The following HECW1 variants were observed in gnomAD, a reference collection of about 807,000 sequenced individuals.
The protein encoded by HECW1 is E3 ubiquitin-protein ligase HECW1.
Under a neutral mutation model 182.3 loss-of-function variants are expected in HECW1, and 61 were observed. The observed-to-expected ratio is 0.33, with a 90% CI of 0.27 to 0.41. The LOEUF (loss-of-function observed/expected upper bound fraction) is 0.41. Ranked by LOEUF, HECW1 falls within the 10% of genes least tolerant of loss-of-function variation. The pLI, the probability that HECW1 is intolerant of heterozygous loss-of-function variation, is 1.00. For synonymous variants in HECW1, 859 were observed against 832.6 expected, an observed-to-expected ratio of 1.03 and a Z score of -0.55; for missense variants, 1,739 against 2,108.9, an observed-to-expected ratio of 0.82 and a Z score of 3.44.
At chr7:43,201,748 T>C (rs902692213) in intron 2 of HECW1, among the ~76,000 whole-genome samples, 2 of 152,242 alleles carry the variant, frequency 1.3e-5, no homozygotes, top group African/African-American at 2.4e-5. Context: ...GTCCAGAGAA[T>C]GGTCTTGTGT....
chr7:43,223,997 C>T (rs75430678), intron 2 of HECW1, among the ~76,000 whole-genome samples: 86 of 152,336 alleles, frequency 5.6e-4, no homozygotes, highest in Admixed American at 1.3e-3. Flanking sequence ...CCCGCTCCCA[C>T]ATTCATGTAT....
At chr7:43,425,283 C>G (rs1394924861) in intron 8 of HECW1, among the ~76,000 whole-genome samples, 2 of 128,204 alleles carry the variant, frequency 1.6e-5, no homozygotes, top group African/African-American at 5.9e-5. Context: ...ATGTGGATAG[C>G]TAGGTAGATA....
At chr7:43,527,165 T>C (rs1035213973) in intron 24 of HECW1, among the ~76,000 whole-genome samples, 3 of 152,176 alleles carry the variant, frequency 2.0e-5, no homozygotes, top group Non-Finnish European at 2.9e-5. Context: ...AATATATTAC[T>C]TTAGTGGAAC....
intron 2 of HECW1, among the ~76,000 whole-genome samples, chr7:43,136,576 A>G (rs900927804): frequency 1.3e-5 from 2 of 152,240 alleles, no homozygotes; most frequent in African/African-American, 2.4e-5. Context: ...TGGAGGAATG[A>G]CAACCCATTT....
At chr7:43,409,821 A>G (rs959267984) in intron 8 of HECW1, among the ~76,000 whole-genome samples, 1 of 152,196 alleles carries the variant, frequency 6.6e-6, no homozygotes, top group Non-Finnish European at 1.5e-5. Flanking sequence ...CCTAAATTGT[A>G]CTACAGTTCC....
At chr7:43,425,236 C>CAT (rs1713025222) in intron 8 of HECW1, among the ~76,000 whole-genome samples, 1 of 151,794 alleles carries the variant, frequency 6.6e-6, no homozygotes, top group African/African-American at 2.4e-5. Flanking sequence ...CACACACACA[C>CAT]ACACACACAC....
At chr7:43,473,357 C>T (rs1467334909) in intron 16 of HECW1, among the ~76,000 whole-genome samples, 2 of 152,124 alleles carry the variant, frequency 1.3e-5, no homozygotes, top group African/African-American at 4.8e-5. Context: ...CACAAACACA[C>T]TAAGACACTG....
At chr7:43,541,300 T>C in intron 25 of HECW1, 39 bp downstream of exon 25, 1 of 1,497,002 alleles carries the variant, frequency 6.7e-7, no homozygotes, top group Non-Finnish European at 9.3e-7. Context: ...CCCAGCCCTG[T>C]CTGCAGGGCA....
intron 17 of HECW1, among the ~76,000 whole-genome samples, chr7:43,481,002 T>G (rs2078413592): frequency 6.6e-6 from 1 of 152,176 alleles, no homozygotes; most frequent in South Asian, 2.1e-4. Context: ...AATGAATGTT[T>G]TTTCATGGAG....
At position 43,306,756 on chromosome 7, in the gene HECW1, A is replaced by G. The variant is rs1488404576; in HGVS notation, c.28-5007A>G. Among the ~76,000 whole-genome samples, 19 of 152,310 alleles carry G rather than the reference A, an allele frequency of 1.2e-4. No individual in the cohort carries two copies. The East Asian group carries it at 3.7e-3, about 29-fold the overall frequency. The stretch of plus-strand genomic sequence containing the variant: ...ATGACTTAGTTAGATAAAAACTGAC[A>G]GAGCAGAATCTTTTGTCTCCAGGTT... On this transcript the variant is annotated intron_variant, in intron 3 of 29. Transcript: ENST00000395891.
intron 2 of HECW1, among the ~76,000 whole-genome samples, chr7:43,138,901 A>G (rs1211251170): frequency 6.6e-6 from 1 of 152,220 alleles, no homozygotes; most frequent in African/African-American, 2.4e-5. Context: ...AGGACTTCTC[A>G]AGGCCTTTGG....
intron 24 of HECW1, among the ~76,000 whole-genome samples, chr7:43,526,482 T>C (rs1035125654): frequency 2.0e-5 from 3 of 152,352 alleles, no homozygotes; most frequent in Admixed American, 1.3e-4. Context: ...TTGTTTGGTT[T>C]AGCCCAAGTT....
chr7:43,552,571 C>T (rs1414687272), intron 28 of HECW1, among the ~76,000 whole-genome samples: 1 of 152,202 alleles, frequency 6.6e-6, no homozygotes, highest in East Asian at 1.9e-4. Context: ...CTCACTCTCA[C>T]GCCCCTTTCC....
intron 3 of HECW1, among the ~76,000 whole-genome samples, chr7:43,291,081 T>C (rs1584350020): frequency 6.6e-6 from 1 of 152,232 alleles, no homozygotes; most frequent in Admixed American, 6.5e-5. Context: ...CACGCTGTTA[T>C]ATGTACAATG....
At chr7:43,174,239 A>G (rs1472711528) in intron 2 of HECW1, among the ~76,000 whole-genome samples, 2 of 152,170 alleles carry the variant, frequency 1.3e-5, no homozygotes, top group African/African-American at 4.8e-5. Context: ...AGTTCCTGAC[A>G]AAGCCCCATT....
intron 8 of HECW1, among the ~76,000 whole-genome samples, chr7:43,422,887 G>A (rs1031378002): frequency 1.3e-5 from 2 of 151,422 alleles, no homozygotes; most frequent in Admixed American, 6.6e-5. Context: ...CGCAGTGCCT[G>A]GCCGAGAGTC....
In HECW1 at chr7:43,231,874, T is replaced by G. The variant is rs950550259; in HGVS notation, c.-31-12001T>G. 2.7e-5 allele frequency among the ~76,000 whole-genome samples: 4 copies of G among 150,934 alleles called. No homozygotes were observed. The East Asian group carries it at 7.8e-4, about 29-fold the overall frequency. ...TACTAAAAAATACAAAAAAAAAAAT[T>G]AGCCAGGCGTGGTGGCGGGCGCCTG... On this transcript the variant is annotated intron_variant, in intron 2 of 29. Coordinates refer to ENST00000395891, the MANE Select transcript of HECW1 (RefSeq NM_015052.5).
chr7:43,193,597 G>T (rs1431036629), intron 2 of HECW1, among the ~76,000 whole-genome samples: 2 of 151,992 alleles, frequency 1.3e-5, no homozygotes, highest in Non-Finnish European at 2.9e-5. Flanking sequence ...GGCCAGGCTG[G>T]TCTTGAACTC....
intron 8 of HECW1, among the ~76,000 whole-genome samples, chr7:43,424,297 GTTA>G (rs2076286536): frequency 6.6e-6 from 1 of 152,140 alleles, no homozygotes. Context: ...AGGGCAATGG[GTTA>G]TTAGCCTGGA....
Sources: gnomAD v4.1 joint callset for allele counts (sites outside exome capture counted in the v4.1 genomes callset) on GRCh38, gnomAD v4.1.1 for gene constraint, MANE v1.5 for transcripts, NCBI Gene and HGNC (gene_info 2026-07-23, HGNC 2026-07-21) for gene names.